The following SOS1 variants were observed in gnomAD, a reference collection of about 807,000 sequenced individuals.
The protein encoded by SOS1 is son of sevenless homolog 1.
Under a neutral mutation model 157.6 loss-of-function variants are expected in SOS1, and 25 were observed. The ratio of observed to expected loss-of-function variants is 0.16; its 90% CI spans 0.12 to 0.22. SOS1 has a LOEUF of 0.22. Among genes scored for constraint, SOS1 ranks in the 10% least tolerant of loss-of-function variants. The pLI, the probability that SOS1 is intolerant of heterozygous loss-of-function variation, is 1.00. For missense variants in SOS1, 1,237 were observed against 1,599.1 expected (o/e 0.77, Z 3.86); for synonymous variants, 528 against 534.0 (o/e 0.99, Z 0.16).
intron 1 of SOS1, among the ~76,000 whole-genome samples, chr2:39,068,382 C>G (rs189969653): frequency 6.6e-6 from 1 of 152,100 alleles, no homozygotes; most frequent in Non-Finnish European, 1.5e-5. Flanking sequence ...TTGCCAGGAA[C>G]CAGTTAGAAC....
chr2:39,065,334 G>C (rs990541817), intron 2 of SOS1, among the ~76,000 whole-genome samples: 2 of 152,084 alleles, frequency 1.3e-5, no homozygotes, highest in Non-Finnish European at 2.9e-5. Context: ...GGTATTAAGA[G>C]GTGTTAACAT....
At chr2:39,078,628 A>T (rs1340211220) in intron 1 of SOS1, among the ~76,000 whole-genome samples, 1 of 152,134 alleles carries the variant, frequency 6.6e-6, no homozygotes, top group Non-Finnish European at 1.5e-5. Context: ...CCTACTGTGA[A>T]CTGTGCATGT....
intron 21 of SOS1, among the ~76,000 whole-genome samples, 185 bp downstream of exon 21, chr2:38,989,085 T>A (rs1359654946): frequency 2.6e-5 from 4 of 151,918 alleles, no homozygotes; most frequent in Non-Finnish European, 1.5e-5. Context: ...GCATGAGAAA[T>A]ATATAAATTT....
intron 1 of SOS1, among the ~76,000 whole-genome samples, chr2:39,116,755 G>A (rs989229731): frequency 6.6e-6 from 1 of 152,182 alleles, no homozygotes; most frequent in African/African-American, 2.4e-5. Flanking sequence ...GGAGGCTGAG[G>A]TGGGAGGATA....
chr2:39,041,724 T>C (rs912688474), intron 6 of SOS1, among the ~76,000 whole-genome samples: 1 of 152,234 alleles, frequency 6.6e-6, no homozygotes, highest in Non-Finnish European at 1.5e-5. Flanking sequence ...CATTTGTGCT[T>C]CCCTTATAAC....
At chr2:39,091,707 C>T (rs1462465764) in intron 1 of SOS1, among the ~76,000 whole-genome samples, 2 of 152,180 alleles carry the variant, frequency 1.3e-5, no homozygotes, top group Non-Finnish European at 1.5e-5. Flanking sequence ...ATACCAGCCC[C>T]CCAGGCTTCT....
intron 2 of SOS1, among the ~76,000 whole-genome samples, chr2:39,061,360 T>C (rs1375300030): frequency 2.0e-5 from 3 of 152,152 alleles, no homozygotes; most frequent in Non-Finnish European, 4.4e-5. Context: ...ATAAAATTTC[T>C]TTCACAAACA....
At chr2:39,043,855 C>A (rs1372544155) in intron 6 of SOS1, among the ~76,000 whole-genome samples, 1 of 152,184 alleles carries the variant, frequency 6.6e-6, no homozygotes, top group Non-Finnish European at 1.5e-5. Context: ...GATTAAACTT[C>A]CAATACATAA....
intron 1 of SOS1, among the ~76,000 whole-genome samples, chr2:39,095,990 T>A (rs1298804890): frequency 6.6e-6 from 1 of 152,258 alleles, no homozygotes. Context: ...GTGGAGCTAT[T>A]TGGCTACCCA....
intron 15 of SOS1, among the ~76,000 whole-genome samples, chr2:39,009,145 C>T (rs1428637649): frequency 1.3e-5 from 2 of 151,422 alleles, no homozygotes; most frequent in Non-Finnish European, 2.9e-5. Context: ...GAGAGGATAT[C>T]ATTAAAGAGA....
chr2:39,078,429 C>T (rs1427293490), intron 1 of SOS1, among the ~76,000 whole-genome samples: 1 of 152,124 alleles, frequency 6.6e-6, no homozygotes, highest in Non-Finnish European at 1.5e-5. Flanking sequence ...TATGATCCAG[C>T]AATTCTACTT....
At chr2:39,019,452 CTT>C (rs776085331) in intron 10 of SOS1, among the ~76,000 whole-genome samples, 2 of 151,712 alleles carry the variant, frequency 1.3e-5, no homozygotes, top group Non-Finnish European at 3.0e-5. Context: ...GAAATAGTCT[CTT>C]CATACCATTG....
At chr2:38,998,500 C>T (rs1444634662) in intron 17 of SOS1, among the ~76,000 whole-genome samples, 7 of 152,164 alleles carry the variant, frequency 4.6e-5, no homozygotes, top group Admixed American at 3.3e-4. Context: ...ATCCACCCAC[C>T]TTGGCCTCCC....
In SOS1 at chr2:39,017,238, C is replaced by G. The variant is rs76259964; in HGVS notation, c.1859-2392G>C. Among the ~76,000 whole-genome samples, 457 of 152,096 alleles carry G rather than the reference C, an allele frequency of 3.0e-3. 1 individual carries two copies. The highest frequency in any genetic ancestry group is 0.01 in the Middle Eastern group (3 of 294). Reference sequence around the variant, plus strand: ...TTTTCTATCATATCGTATAACCTCCCTGGATTAAAGAAACCCTTAAAGTTT... The same window carrying G: ...TTTTCTATCATATCGTATAACCTCCGTGGATTAAAGAAACCCTTAAAGTTT... On this transcript the variant is annotated intron_variant, in intron 10 of 22. Transcript: ENST00000402219.
chr2:39,121,243 C>G (rs753833140), upstream of SOS1, among the ~76,000 whole-genome samples: 1 of 152,102 alleles, frequency 6.6e-6, no homozygotes, highest in African/African-American at 2.4e-5. Flanking sequence ...GTGGGGCCTG[C>G]AAGGGTGGGT....
At chr2:39,010,896 CTTT>C (rs72504369) in intron 14 of SOS1, among the ~76,000 whole-genome samples, 193 bp from the exon 15 acceptor site, 1 of 132,912 alleles carries the variant, frequency 7.5e-6, no homozygotes, top group Non-Finnish European at 1.5e-5. Context: ...TTTTTTTAAA[CTTT>C]TTTTTTTTTT....
Position 39,050,435 on chromosome 2 carries a change from G to C in SOS1, c.864+709C>G, listed in dbSNP as rs543094132. On this transcript the variant is annotated intron_variant, in intron 6 of 22. Coordinates refer to ENST00000402219, the MANE Select transcript of SOS1 (RefSeq NM_005633.4). ...ATACTGAGTAAGCTTACTATGTGAA[G>C]GTAGATAGGTAAATATTTCAGATAG... 1.6e-4 allele frequency among the ~76,000 whole-genome samples: 25 copies of C among 152,208 alleles called. No homozygotes were observed. In the South Asian group the frequency reaches 2.3e-3, roughly 14 times the overall value.
chr2:39,063,069 A>T (rs1013925041), intron 2 of SOS1, among the ~76,000 whole-genome samples: 1 of 152,150 alleles, frequency 6.6e-6, no homozygotes, highest in Non-Finnish European at 1.5e-5. Context: ...ATATTTTTTT[A>T]AAAATAAAAA....
At chr2:39,007,460 C>T in intron 15 of SOS1, 1 of 417,578 alleles carries the variant, frequency 2.4e-6, no homozygotes, top group Non-Finnish European at 4.3e-6. Flanking sequence ...TCAGAATTAA[C>T]TGGTGAGGCC....
Sources: gnomAD v4.1 joint callset for allele counts (sites outside exome capture counted in the v4.1 genomes callset) on GRCh38, gnomAD v4.1.1 for gene constraint, MANE v1.5 for transcripts, NCBI Gene and HGNC (gene_info 2026-07-23, HGNC 2026-07-21) for gene names.